Variants in MAGI1 observed in about 807,000 individuals in gnomAD.
The protein encoded by MAGI1 is membrane-associated guanylate kinase, WW and PDZ domain-containing protein 1.
Under a neutral mutation model 139.9 loss-of-function variants are expected in MAGI1, and 58 were observed. The ratio of observed to expected loss-of-function variants is 0.41; its 90% CI spans 0.34 to 0.52. The LOEUF (loss-of-function observed/expected upper bound fraction) is 0.52. Ranked by LOEUF, MAGI1 falls within the 20% of genes least tolerant of loss-of-function variation. MAGI1 has a pLI of 0.12. For missense variants in MAGI1, 1,874 were observed against 1,901.6 expected, an observed-to-expected ratio of 0.99 and a Z score of 0.27; for synonymous variants, 812 against 737.9, an observed-to-expected ratio of 1.10 and a Z score of -1.63.
At chr3:65,458,440 A>T (rs1949547532) in intron 5 of MAGI1, among the ~76,000 whole-genome samples, 1 of 151,838 alleles carries the variant, frequency 6.6e-6, no homozygotes, top group Admixed American at 6.6e-5. Flanking sequence ...ACAGTGTGAG[A>T]AGGTTTCCTT....
rs369631356 is a variant in MAGI1, at chr3:65,437,222, A to G, written c.1296T>C (p.Leu432=). 2.5e-6 allele frequency: 4 copies of G among 1,611,356 alleles called. No individual in the cohort carries two copies. The highest frequency in any genetic ancestry group is 2.2e-5 in the East Asian group (1 of 44,836). The change falls in exon 10 of 23, where the codon CTT becomes CTC. Residue 432 remains leucine (L), a synonymous_variant. Coordinates refer to ENST00000402939, the MANE Select transcript of MAGI1 (RefSeq NM_001033057.2). ...GGTGGTTTGGAATAACAGGAGGCAC[A>G]AGGGCTGAGTGATCTTCTGTCCATT... The part of the protein sequence containing the change: ...TEEWTEDHSA[L]VPPVIPNHPP...
intron 12 of MAGI1, among the ~76,000 whole-genome samples, chr3:65,405,786 G>C (rs1945287183): frequency 7.6e-6 from 1 of 132,326 alleles, no homozygotes; most frequent in African/African-American, 2.6e-5. Context: ...GTAGAGACGG[G>C]GTTTCACCAT....
rs1467532778 is a variant in MAGI1 at position 65,356,400 on chromosome 3, C to T, written c.4367G>A (p.Cys1456Tyr). The T allele has an allele frequency of 6.2e-7, 1 of 1,600,480 alleles. No homozygotes were observed. Residue 1456 changes from cysteine (C) to tyrosine (Y), a missense_variant, in exon 23 of 23, where the codon TGT (cysteine) becomes TAT (tyrosine). Physicochemically the swap from Cys to Tyr is radical, Grantham distance 194. Coordinates refer to ENST00000402939, the MANE Select transcript of MAGI1 (RefSeq NM_001033057.2). ...GTCTCAGATACTGAGGTCGGTGCTA[C>T]ATTCTTTGTAAGGTCGCCTTCTCTG... The part of the protein sequence containing the change: ...PEQRRRPYKE[C>Y]STDLSI
intron 7 of MAGI1, among the ~76,000 whole-genome samples, chr3:65,445,038 T>A (rs536588185): frequency 1.3e-5 from 2 of 152,292 alleles, no homozygotes; most frequent in East Asian, 3.9e-4. Flanking sequence ...AGAATGACAT[T>A]ATAATTTTTT....
At chr3:65,979,091 C>T (rs56406746) in intron 1 of MAGI1, among the ~76,000 whole-genome samples, 45,817 of 102,000 alleles carry the variant, frequency 0.45, 10,913 homozygotes, top group Admixed American at 0.62. Context: ...CTTTTCTTCC[C>T]CCCCCCCGCC....
At chr3:65,901,346 C>T (rs1039383285) in intron 1 of MAGI1, among the ~76,000 whole-genome samples, 8 of 152,218 alleles carry the variant, frequency 5.3e-5, no homozygotes, top group African/African-American at 1.9e-4. Flanking sequence ...CATTTCTGTT[C>T]ATCCTCGGTG....
chr3:65,534,754 G>T (rs1449991156), intron 2 of MAGI1, among the ~76,000 whole-genome samples: 3 of 152,134 alleles, frequency 2.0e-5, no homozygotes, highest in Non-Finnish European at 4.4e-5. Context: ...TTGAACCCAG[G>T]TCTGGCTGCC....
At chr3:65,700,791 C>A (rs1466410787) in intron 1 of MAGI1, among the ~76,000 whole-genome samples, 1 of 152,138 alleles carries the variant, frequency 6.6e-6, no homozygotes, top group African/African-American at 2.4e-5. Context: ...AAAATTTCAC[C>A]AAACATCTTT....
At chr3:65,664,734 T>A (rs2086403772) in intron 1 of MAGI1, among the ~76,000 whole-genome samples, 1 of 152,216 alleles carries the variant, frequency 6.6e-6, no homozygotes, top group South Asian at 2.1e-4. Flanking sequence ...AATGAGTATG[T>A]TTCCAGTGGA....
At chr3:65,793,363 A>C (rs2039914539) in intron 1 of MAGI1, among the ~76,000 whole-genome samples, 1 of 152,156 alleles carries the variant, frequency 6.6e-6, no homozygotes, top group Non-Finnish European at 1.5e-5. Flanking sequence ...AGTGAGATGA[A>C]CTCTCATTCA....
At chr3:65,468,304 G>A (rs540776419) in intron 5 of MAGI1, among the ~76,000 whole-genome samples, 13 of 149,328 alleles carry the variant, frequency 8.7e-5, no homozygotes, top group Middle Eastern at 3.5e-3. Context: ...CTGGAAAATA[G>A]CACAGAAGCT....
intron 6 of MAGI1, among the ~76,000 whole-genome samples, chr3:65,452,058 A>T (rs528194876): frequency 1.5e-4 from 23 of 152,310 alleles, no homozygotes; most frequent in Admixed American, 9.8e-4. Context: ...TCTCCCAAGC[A>T]TGCAAAATAC....
intron 1 of MAGI1, among the ~76,000 whole-genome samples, chr3:65,909,858 A>C (rs1254585358): frequency 6.6e-6 from 1 of 152,146 alleles, no homozygotes; most frequent in Admixed American, 6.5e-5. Flanking sequence ...GTGGAAGACA[A>C]TATTTCCATG....
intron 16 of MAGI1, among the ~76,000 whole-genome samples, chr3:65,381,268 G>A (rs143610148): frequency 1.3e-5 from 2 of 152,274 alleles, no homozygotes; most frequent in Non-Finnish European, 2.9e-5. Flanking sequence ...GGCAGTTGGA[G>A]GAAGGAGGAA....
intron 1 of MAGI1, among the ~76,000 whole-genome samples, chr3:65,980,557 T>G (rs982034436): frequency 9.9e-6 from 1 of 100,956 alleles, no homozygotes; most frequent in African/African-American, 3.5e-5. Context: ...AGACTGAGAC[T>G]CCATCTCAAA....
intron 2 of MAGI1, chr3:65,597,952 C>T: frequency 2.2e-6 from 1 of 453,910 alleles, no homozygotes; most frequent in East Asian, 7.0e-5. Flanking sequence ...CGAACCCCTT[C>T]CTGGGAGAGC....
chr3:65,955,953 T>C (rs1404163001), intron 1 of MAGI1, among the ~76,000 whole-genome samples: 1 of 151,946 alleles, frequency 6.6e-6, no homozygotes, highest in Non-Finnish European at 1.5e-5. Context: ...ATGATTTCCT[T>C]CTCCACTGCC....
At chr3:65,481,133 T>G (rs943976927) in intron 3 of MAGI1, among the ~76,000 whole-genome samples, 3 of 152,142 alleles carry the variant, frequency 2.0e-5, no homozygotes, top group African/African-American at 7.2e-5. Context: ...ACTCAATCAT[T>G]CAAGTGTTTT....
At chr3:65,752,063 C>T (rs2036198664) in intron 1 of MAGI1, among the ~76,000 whole-genome samples, 1 of 152,162 alleles carries the variant, frequency 6.6e-6, no homozygotes, top group Non-Finnish European at 1.5e-5. Flanking sequence ...CCGCCTCAGC[C>T]CCTCCAAGTA....
Sources: gnomAD v4.1 joint callset for allele counts (sites outside exome capture counted in the v4.1 genomes callset) on GRCh38, gnomAD v4.1.1 for gene constraint, MANE v1.5 for transcripts, NCBI Gene and HGNC (gene_info 2026-07-23, HGNC 2026-07-21) for gene names.